The following CTIF variants were observed in gnomAD, a reference collection of about 807,000 sequenced individuals.
The protein encoded by CTIF is CBP80/20-dependent translation initiation factor.
A neutral mutation model predicts 66.0 loss-of-function variants in CTIF; 21 were observed. That is an observed-to-expected ratio of 0.32 (90% CI 0.23 to 0.46). The LOEUF (loss-of-function observed/expected upper bound fraction) is 0.46, where lower values mean the gene tolerates loss of function less well. Ranked by LOEUF, CTIF falls within the 20% of genes least tolerant of loss-of-function variation. The probability of loss-of-function intolerance (pLI) is 1.00; values close to 1 mark genes in which losing one functional copy is unlikely to be tolerated. For synonymous variants in CTIF, 345 were observed against 326.4 expected, an observed-to-expected ratio of 1.06 and a Z score of -0.62; for missense variants, 739 against 812.7, an observed-to-expected ratio of 0.91 and a Z score of 1.10.
At chr18:48,578,942 T>G (rs1488393986) in intron 1 of CTIF, among the ~76,000 whole-genome samples, 3 of 152,234 alleles carry the variant, frequency 2.0e-5, no homozygotes, top group Non-Finnish European at 4.4e-5. Flanking sequence ...CAATTTACTT[T>G]TGTTTTCTTC....
intron 4 of CTIF, among the ~76,000 whole-genome samples, chr18:48,664,182 C>T (rs1428921226): frequency 6.6e-6 from 1 of 152,164 alleles, no homozygotes; most frequent in African/African-American, 2.4e-5. Flanking sequence ...AATGTGGGCA[C>T]GAAAACAAAC....
intron 7 of CTIF, among the ~76,000 whole-genome samples, chr18:48,716,294 A>T (rs1227979701): frequency 6.6e-6 from 1 of 152,230 alleles, no homozygotes; most frequent in Non-Finnish European, 1.5e-5. Context: ...AACGCTGTGC[A>T]TGACTGTCAG....
At chr18:48,759,780 C>G (rs904068546) in intron 8 of CTIF, among the ~76,000 whole-genome samples, 2 of 152,148 alleles carry the variant, frequency 1.3e-5, no homozygotes, top group African/African-American at 4.8e-5. Context: ...CCCAGATGGT[C>G]GGAAGAGAGG....
At position 48,643,462 on chromosome 18, in the gene CTIF, C is replaced by T. The variant is rs80223503; in HGVS notation, c.252+6777C>T. On this transcript the variant is annotated intron_variant, in intron 3 of 11. Coordinates refer to ENST00000256413, the MANE Select transcript of CTIF (RefSeq NM_014772.3). ...TCCCTGGCCTGTCTGTGCAGCATTC[C>T]TTCCTTCTGAGTTGGGGCAGGACCC... 5.2e-3 allele frequency among the ~76,000 whole-genome samples: 796 copies of T among 152,332 alleles called. 4 individuals carry two copies. The highest frequency in any genetic ancestry group is 0.034 in the Middle Eastern group (10 of 294).
chr18:48,696,355 C>A (rs1266048411), intron 6 of CTIF, among the ~76,000 whole-genome samples: 1 of 152,168 alleles, frequency 6.6e-6, no homozygotes, highest in African/African-American at 2.4e-5. Context: ...GATGGGACCC[C>A]CCTGTTGGTG....
At chr18:48,791,876 T>C (rs1247217904) in intron 9 of CTIF, among the ~76,000 whole-genome samples, 2 of 152,156 alleles carry the variant, frequency 1.3e-5, no homozygotes, top group Non-Finnish European at 2.9e-5. Flanking sequence ...GTGTCATCTC[T>C]TGGGTCTGTT....
At chr18:48,585,210 T>C (rs1422276372) in intron 1 of CTIF, among the ~76,000 whole-genome samples, 1 of 152,276 alleles carries the variant, frequency 6.6e-6, no homozygotes, top group African/African-American at 2.4e-5. Flanking sequence ...CTGCATCTTC[T>C]TGGGGTGTTA....
chr18:48,681,655 C>T (rs550807517), intron 6 of CTIF, among the ~76,000 whole-genome samples: 22 of 152,292 alleles, frequency 1.4e-4, no homozygotes, highest in African/African-American at 4.6e-4. Context: ...CCTGTGACTC[C>T]GAGTCTGTCT....
chr18:48,743,334 G>A (rs990513976), intron 7 of CTIF, among the ~76,000 whole-genome samples: 3 of 152,174 alleles, frequency 2.0e-5, no homozygotes, highest in South Asian at 4.1e-4. Flanking sequence ...AAAAACTCTC[G>A]GGTCTCAGCA....
intron 1 of CTIF, among the ~76,000 whole-genome samples, chr18:48,571,385 T>TGACCTCGTGATCCACC (rs2089412366): frequency 6.6e-6 from 1 of 152,206 alleles, no homozygotes; most frequent in Non-Finnish European, 1.5e-5. Context: ...CTCAAACCCC[T>TGACCTCGTGATCCACC]GACCTCGTGA....
rs994646713 is a variant in CTIF at position 48,672,971 on chromosome 18, G to A, written c.507+2227G>A. Among the ~76,000 whole-genome samples the A allele has an allele frequency of 2.8e-4, 42 of 152,094 alleles. 1 individual carries two copies. The highest frequency in any genetic ancestry group is 8.8e-5 in the Non-Finnish European group (6 of 68,010). ...TCTCCTTGCTTTCTCACCAGCAGGC[G>A]GTTCCCTCTGCCTAAAATCTCACTC... On this transcript the variant is annotated intron_variant, in intron 6 of 11. Coordinates refer to ENST00000256413, the MANE Select transcript of CTIF (RefSeq NM_014772.3).
chr18:48,838,105 A>G (rs2068854785), intron 10 of CTIF, among the ~76,000 whole-genome samples: 1 of 152,008 alleles, frequency 6.6e-6, no homozygotes, highest in African/African-American at 2.4e-5. Context: ...CTTGCTCCCT[A>G]TCAGTGTCCC....
chr18:48,833,250 C>T (rs1171208747), intron 10 of CTIF, among the ~76,000 whole-genome samples: 1 of 152,190 alleles, frequency 6.6e-6, no homozygotes, highest in Non-Finnish European at 1.5e-5. Context: ...AATCCCAGGG[C>T]CAGAGTTGAG....
At chr18:48,585,406 G>T (rs1599187946) in intron 1 of CTIF, among the ~76,000 whole-genome samples, 1 of 152,204 alleles carries the variant, frequency 6.6e-6, no homozygotes, top group African/African-American at 2.4e-5. Flanking sequence ...CTCCTGCCCT[G>T]TCCTAGCCTT....
intron 9 of CTIF, among the ~76,000 whole-genome samples, chr18:48,782,048 G>A (rs1449653695): frequency 2.0e-5 from 3 of 152,072 alleles, no homozygotes; most frequent in Admixed American, 1.3e-4. Flanking sequence ...GCTGAGTGGT[G>A]GGCAGGAGGG....
intron 10 of CTIF, among the ~76,000 whole-genome samples, chr18:48,852,061 G>A (rs67264270): frequency 0.24 from 36,131 of 150,954 alleles, 4,540 homozygotes; most frequent in Admixed American, 0.31. Context: ...GTGAGATCTC[G>A]TCTCTAGTAA....
rs543364317 is a variant in CTIF, at chr18:48,635,365, C to G, written c.181-1249C>G. Among the ~76,000 whole-genome samples, 76 of 148,342 alleles carry G rather than the reference C, an allele frequency of 5.1e-4. No individual in the cohort carries two copies. In the South Asian group the frequency reaches 7.3e-3, roughly 14 times the overall value. On this transcript the variant is annotated intron_variant, in intron 2 of 11. Transcript: ENST00000256413. ...TTTTTTTGAGGCTCACTCTGTCACC[C>G]AAGAGCATTGTGCATTGGCACGACC...
At chr18:48,712,866 T>C (rs2092241813) in intron 7 of CTIF, among the ~76,000 whole-genome samples, 1 of 152,238 alleles carries the variant, frequency 6.6e-6, no homozygotes, top group South Asian at 2.1e-4. Flanking sequence ...TGCTTTGTCA[T>C]CCACTGGTGG....
Position 48,636,637 on chromosome 18 carries a change from G to A in CTIF, c.204G>A (p.Pro68=), listed in dbSNP as rs577092756. 10 of 1,595,180 alleles carry A rather than the reference G, an allele frequency of 6.3e-6. No individual in the cohort carries two copies. The highest frequency in any genetic ancestry group is 5.3e-5 in the Admixed American group (3 of 56,766). Residue 68 remains proline (P), a synonymous_variant, in exon 3 of 12, where the codon CCG becomes CCA. Transcript: ENST00000256413. ...AGTGGACAGCGGACTGCAGCGAACCGCTGGACAGCAGCTGTTCCTTCTCCC... is the reference window on the plus strand; with the variant it reads ...AGTGGACAGCGGACTGCAGCGAACCACTGGACAGCAGCTGTTCCTTCTCCC... The part of the protein sequence containing the change: ...ISQWTADCSE[P]LDSSCSFSRG...
Sources: allele counts gnomAD v4.1 joint callset (sites outside exome capture counted in the v4.1 genomes callset), GRCh38; gene constraint gnomAD v4.1.1; transcripts MANE v1.5; gene names NCBI Gene and HGNC (gene_info 2026-07-23, HGNC 2026-07-21).